The following HCN1 variants were observed in gnomAD, a reference collection of about 807,000 sequenced individuals.
HCN1 encodes the protein hyperpolarization activated cyclic nucleotide gated potassium channel 1, also known as potassium/sodium hyperpolarization-activated cyclic nucleotide-gated channel 1.
HCN1 carries 13 observed loss-of-function variants against 78.9 expected under a neutral mutation model. The ratio of observed to expected loss-of-function variants is 0.16; its 90% CI spans 0.11 to 0.26. HCN1 has a LOEUF of 0.26. Among genes scored for constraint, HCN1 ranks in the 10% least tolerant of loss-of-function variants. HCN1 has a pLI of 1.00. For missense variants in HCN1, 810 were observed against 1,154.3 expected (o/e 0.70, Z 4.32); for synonymous variants, 552 against 455.5 (o/e 1.21, Z -2.70).
chr5:45,615,781 A>C (rs1744936933), intron 2 of HCN1, among the ~76,000 whole-genome samples: 1 of 152,004 alleles, frequency 6.6e-6, no homozygotes, highest in Non-Finnish European at 1.5e-5. Context: ...GATCAGAAGA[A>C]AGATGAAGGA....
chr5:45,554,855 C>T (rs1743440545), intron 2 of HCN1, among the ~76,000 whole-genome samples: 1 of 151,830 alleles, frequency 6.6e-6, no homozygotes, highest in Admixed American at 6.6e-5. Flanking sequence ...ACAGGAGCAT[C>T]TCACCCCTTC....
At chr5:45,349,724 C>T (rs967600080) in intron 5 of HCN1, among the ~76,000 whole-genome samples, 3 of 151,704 alleles carry the variant, frequency 2.0e-5, no homozygotes, top group African/African-American at 7.3e-5. Context: ...TACAAACTGC[C>T]CACAGAGAAT....
intron 6 of HCN1, among the ~76,000 whole-genome samples, chr5:45,276,231 A>G (rs1388353614): frequency 6.6e-6 from 1 of 151,978 alleles, no homozygotes; most frequent in African/African-American, 2.4e-5. Flanking sequence ...CACACACCAC[A>G]TGCACACATG....
intron 6 of HCN1, among the ~76,000 whole-genome samples, chr5:45,289,301 C>T (rs915542848): frequency 4.6e-5 from 7 of 151,800 alleles, no homozygotes; most frequent in African/African-American, 1.7e-4. Context: ...GGGCTGAGAA[C>T]AGAGAATAAA....
At chr5:45,550,466 A>T (rs543263924) in intron 2 of HCN1, among the ~76,000 whole-genome samples, 4 of 152,136 alleles carry the variant, frequency 2.6e-5, no homozygotes, top group Middle Eastern at 3.4e-3. Context: ...TGGACACAGG[A>T]AGGGGAACAT....
intron 2 of HCN1, among the ~76,000 whole-genome samples, chr5:45,585,011 A>C (rs975087679): frequency 2.0e-5 from 3 of 152,060 alleles, no homozygotes; most frequent in African/African-American, 4.8e-5. Context: ...TGTGTCTTGG[A>C]GTTGCTCTTC....
intron 2 of HCN1, among the ~76,000 whole-genome samples, chr5:45,523,208 G>A (rs1404931341): frequency 9.2e-5 from 14 of 152,152 alleles, no homozygotes; most frequent in African/African-American, 1.7e-4. Flanking sequence ...TTATGGCTGC[G>A]TAGTATTCCA....
Position 45,255,714 on chromosome 5 carries a change from A to C in HCN1, c.*6207T>G, listed in dbSNP as rs1744595725. 1 of 152,212 alleles carries C rather than the reference A, an allele frequency of 6.6e-6. No homozygotes were observed. The highest frequency in any genetic ancestry group is 2.4e-5 in the African/African-American group (1 of 41,462). The allele number at this position is 152,212 out of a possible 1,614,324, so 9.4% of individuals were successfully genotyped here. On this transcript the variant is annotated 3_prime_UTR_variant, in exon 8 of 8. Coordinates refer to ENST00000303230, the MANE Select transcript of HCN1 (RefSeq NM_021072.4). ...AATACATTTGGAAAACTCTTTTTGA[A>C]TCTTTCAAATTTCTTTGGGTTATGT... is the stretch of plus-strand genomic sequence containing the variant.
At chr5:45,272,549 C>T (rs1274289707) in intron 6 of HCN1, among the ~76,000 whole-genome samples, 1 of 152,016 alleles carries the variant, frequency 6.6e-6, no homozygotes, top group East Asian at 1.9e-4. Flanking sequence ...AATGCTTATG[C>T]ATACCCCAAT....
chr5:45,453,966 C>A (rs975423592), intron 3 of HCN1, among the ~76,000 whole-genome samples: 1 of 152,026 alleles, frequency 6.6e-6, no homozygotes, highest in Non-Finnish European at 1.5e-5. Flanking sequence ...AATAGTGCTT[C>A]TTCTGCTATT....
At chr5:45,323,749 G>A (rs1207914449) in intron 5 of HCN1, among the ~76,000 whole-genome samples, 1 of 151,836 alleles carries the variant, frequency 6.6e-6, no homozygotes, top group Non-Finnish European at 1.5e-5. Context: ...GGTGTGTGAT[G>A]TTCCCCTTCC....
At chr5:45,590,441 T>A (rs1345078962) in intron 2 of HCN1, among the ~76,000 whole-genome samples, 1 of 152,212 alleles carries the variant, frequency 6.6e-6, no homozygotes, top group Non-Finnish European at 1.5e-5. Context: ...TTATCAATTG[T>A]TTATTTCATA....
At chr5:45,268,320 A>C (rs1744899288) in intron 6 of HCN1, among the ~76,000 whole-genome samples, 2 of 152,206 alleles carry the variant, frequency 1.3e-5, no homozygotes. Flanking sequence ...TGTTTTCCAA[A>C]AATTATGATT....
chr5:45,440,415 AT>A (rs1420637915), intron 3 of HCN1, among the ~76,000 whole-genome samples: 1 of 152,176 alleles, frequency 6.6e-6, no homozygotes, highest in Admixed American at 6.5e-5. Flanking sequence ...TTATATTTAA[AT>A]TATATTCATA....
intron 3 of HCN1, among the ~76,000 whole-genome samples, chr5:45,446,292 C>T (rs369620941): frequency 7.2e-5 from 11 of 151,850 alleles, no homozygotes; most frequent in South Asian, 2.1e-4. Flanking sequence ...GTATGAGTGA[C>T]GGAAGATCAA....
chr5:45,585,756 A>T (rs1011282460), intron 2 of HCN1, among the ~76,000 whole-genome samples: 2 of 152,114 alleles, frequency 1.3e-5, no homozygotes, highest in Admixed American at 1.3e-4. Flanking sequence ...CGGGACCCTC[A>T]GCTGCAGGTC....
At chr5:45,635,747 T>C (rs1745345447) in intron 2 of HCN1, among the ~76,000 whole-genome samples, 1 of 152,086 alleles carries the variant, frequency 6.6e-6, no homozygotes, top group Admixed American at 6.6e-5. Context: ...TCAAAGCAGG[T>C]CTTTCTCAGC....
intron 2 of HCN1, among the ~76,000 whole-genome samples, chr5:45,541,754 G>A (rs529322490): frequency 9.2e-5 from 14 of 152,046 alleles, no homozygotes; most frequent in Admixed American, 7.9e-4. Context: ...TTGGGAAGGG[G>A]ATAAATAGTA....
intron 5 of HCN1, among the ~76,000 whole-genome samples, chr5:45,313,238 T>C (rs1745897298): frequency 6.6e-6 from 1 of 152,174 alleles, no homozygotes; most frequent in Admixed American, 6.5e-5. Flanking sequence ...CCTTCATTGC[T>C]GATACCCAGG....
Sources: allele counts gnomAD v4.1 joint callset (sites outside exome capture counted in the v4.1 genomes callset), GRCh38; gene constraint gnomAD v4.1.1; transcripts MANE v1.5; gene names NCBI Gene and HGNC (gene_info 2026-07-23, HGNC 2026-07-21).